Variants in COL19A1 observed in about 807,000 individuals in gnomAD.
The protein encoded by COL19A1 is collagen type XIX alpha 1 chain.
A neutral mutation model predicts 190.2 loss-of-function variants in COL19A1; 159 were observed. The observed-to-expected ratio is 0.84, with a 90% CI of 0.73 to 0.95. The LOEUF (loss-of-function observed/expected upper bound fraction) is 0.95. COL19A1 is among the 40% of genes least tolerant of loss of function. The pLI is 0.00. For synonymous variants in COL19A1, 509 were observed against 458.9 expected (o/e 1.11, Z -1.39); for missense variants, 1,418 against 1,431.9 (o/e 0.99, Z 0.16).
chr6:70,007,498 A>G (rs1388215730), intron 11 of COL19A1, among the ~76,000 whole-genome samples: 1 of 152,044 alleles, frequency 6.6e-6, no homozygotes. Flanking sequence ...ATTTTATATA[A>G]TGATAAAAGG....
chr6:69,989,716 T>C (rs1325398300), intron 11 of COL19A1, among the ~76,000 whole-genome samples: 1 of 152,044 alleles, frequency 6.6e-6, no homozygotes, highest in Non-Finnish European at 1.5e-5. Context: ...AGCCACAGAA[T>C]TAGACTAAAA....
At chr6:70,024,609 GTGT>G (rs1562096091) in intron 12 of COL19A1, among the ~76,000 whole-genome samples, 10 of 148,792 alleles carry the variant, frequency 6.7e-5, no homozygotes, top group African/African-American at 2.5e-4. Flanking sequence ...GTGTGTGTGT[GTGT>G]GTGGGTGTGT....
At chr6:70,020,961 T>G (rs1377773865) in intron 11 of COL19A1, among the ~76,000 whole-genome samples, 1 of 152,172 alleles carries the variant, frequency 6.6e-6, no homozygotes, top group Non-Finnish European at 1.5e-5. Flanking sequence ...TTTACCTATA[T>G]TCTATTCTTT....
chr6:70,040,252 T>C (rs1450549853), intron 14 of COL19A1, among the ~76,000 whole-genome samples: 1 of 152,220 alleles, frequency 6.6e-6, no homozygotes, highest in African/African-American at 2.4e-5. Flanking sequence ...AGTCTGTATA[T>C]AATTGGGTCT....
chr6:69,908,904 TTTTAAG>T (rs1770724974), intron 4 of COL19A1, among the ~76,000 whole-genome samples: 1 of 152,158 alleles, frequency 6.6e-6, no homozygotes, highest in Non-Finnish European at 1.5e-5. Flanking sequence ...TACAGAAATG[TTTTAAG>T]TTTAATGTCT....
At chr6:69,998,507 A>G (rs889757825) in intron 11 of COL19A1, among the ~76,000 whole-genome samples, 2 of 151,776 alleles carry the variant, frequency 1.3e-5, no homozygotes, top group Admixed American at 6.6e-5. Context: ...CTAACCGAGC[A>G]TGATGGTGCA....
chr6:69,913,558 A>G (rs1273418491), intron 4 of COL19A1, among the ~76,000 whole-genome samples: 1 of 152,200 alleles, frequency 6.6e-6, no homozygotes, highest in Non-Finnish European at 1.5e-5. Flanking sequence ...CAAGGGGTCA[A>G]TGTATGTTGT....
At chr6:70,164,194 G>T (rs191189703) in intron 36 of COL19A1, among the ~76,000 whole-genome samples, 64 of 152,286 alleles carry the variant, frequency 4.2e-4, no homozygotes, top group African/African-American at 1.4e-3. Context: ...GGACAGATGG[G>T]TTGCCATGGT....
chr6:70,198,944 G>A (rs1294303709), intron 48 of COL19A1, among the ~76,000 whole-genome samples: 2 of 152,150 alleles, frequency 1.3e-5, no homozygotes, highest in Middle Eastern at 3.2e-3. Flanking sequence ...GCCACTGGCA[G>A]GTAGCATCAG....
intron 4 of COL19A1, among the ~76,000 whole-genome samples, chr6:69,905,080 G>A (rs964337197): frequency 8.5e-5 from 13 of 152,128 alleles, no homozygotes; most frequent in African/African-American, 2.9e-4. Context: ...AGGTACCACA[G>A]CCCATGCTGC....
intron 42 of COL19A1, among the ~76,000 whole-genome samples, chr6:70,179,146 G>T (rs1047853731): frequency 6.6e-6 from 1 of 152,128 alleles, no homozygotes; most frequent in Non-Finnish European, 1.5e-5. Flanking sequence ...ACCCAGGGAT[G>T]CTCTCTCTAA....
intron 4 of COL19A1, among the ~76,000 whole-genome samples, chr6:69,923,667 C>A (rs1229498070): frequency 6.6e-6 from 1 of 152,102 alleles, no homozygotes; most frequent in South Asian, 2.1e-4. Flanking sequence ...CTAGAAAGCT[C>A]CAACATATTT....
intron 8 of COL19A1, among the ~76,000 whole-genome samples, chr6:69,937,270 A>G (rs755975067): frequency 4.6e-5 from 7 of 152,162 alleles, no homozygotes; most frequent in Non-Finnish European, 7.3e-5. Flanking sequence ...CTTCAAAAAC[A>G]TACACAAAAA....
intron 31 of COL19A1, among the ~76,000 whole-genome samples, chr6:70,155,319 A>G (rs971074804): frequency 6.6e-6 from 1 of 152,122 alleles, no homozygotes; most frequent in African/African-American, 2.4e-5. Flanking sequence ...CTGTTAAACT[A>G]TCTCCCCCAC....
chr6:70,098,674 CT>C, intron 15 of COL19A1: 2 of 282,340 alleles, frequency 7.1e-6, no homozygotes, highest in Non-Finnish European at 1.4e-5. Flanking sequence ...ATGGCGTTCC[CT>C]TCAGTATCTT....
chr6:70,033,601 T>C (rs1779187854), intron 12 of COL19A1, among the ~76,000 whole-genome samples: 1 of 152,132 alleles, frequency 6.6e-6, no homozygotes, highest in Non-Finnish European at 1.5e-5. Flanking sequence ...TAAATACCCA[T>C]TAAAACATCC....
chr6:70,151,562 C>T, intron 31 of COL19A1, 124 bp downstream of exon 31: 2 of 813,552 alleles, frequency 2.5e-6, no homozygotes, highest in Non-Finnish European at 4.1e-6. Flanking sequence ...AATGGCAGGA[C>T]ATCTTTAAGA....
At chr6:70,099,056 TAAAAAAAAAAA>T (rs5877239) in intron 15 of COL19A1, among the ~76,000 whole-genome samples, 5 of 75,884 alleles carry the variant, frequency 6.6e-5, no homozygotes, top group East Asian at 7.9e-4. Context: ...ACCCTGTCTC[TAAAAAAAAAAA>T]AAAAAAAAAA....
chr6:70,122,023 C>A, intron 17 of COL19A1, 81 bp downstream of exon 17: 2 of 877,610 alleles, frequency 2.3e-6, no homozygotes, highest in Non-Finnish European at 3.5e-6. Context: ...TTATTAATTC[C>A]TAACTTCTCA....
Sources: allele counts gnomAD v4.1 joint callset (sites outside exome capture counted in the v4.1 genomes callset), GRCh38; gene constraint gnomAD v4.1.1; transcripts MANE v1.5; gene names NCBI Gene and HGNC (gene_info 2026-07-23, HGNC 2026-07-21).